The following PTBP2 variants were observed in gnomAD, a reference collection of about 807,000 sequenced individuals.
PTBP2 encodes the protein polypyrimidine tract-binding protein 2.
A neutral mutation model predicts 61.4 loss-of-function variants in PTBP2; 13 were observed. The observed-to-expected ratio is 0.21, with a 90% CI of 0.14 to 0.34. PTBP2 has a LOEUF of 0.34. Ranked by LOEUF, PTBP2 falls within the 10% of genes least tolerant of loss-of-function variation. PTBP2 has a pLI of 1.00. For missense variants in PTBP2, 405 were observed against 642.6 expected (o/e 0.63, Z 4.00); for synonymous variants, 215 against 218.5 (o/e 0.98, Z 0.14).
At chr1:96,759,457 A>AC (rs1464160419) in intron 3 of PTBP2, among the ~76,000 whole-genome samples, 1 of 152,212 alleles carries the variant, frequency 6.6e-6, no homozygotes, top group Non-Finnish European at 1.5e-5. Context: ...CAGTGAAGAA[A>AC]GAGAAGGCCT....
chr1:96,794,753 C>CAT (rs1660194278), intron 8 of PTBP2, among the ~76,000 whole-genome samples: 1 of 152,120 alleles, frequency 6.6e-6, no homozygotes, highest in Non-Finnish European at 1.5e-5. Context: ...GTTATCAGCA[C>CAT]ATAAATGAGT....
chr1:96,762,454 C>A (rs1234498929), intron 3 of PTBP2, among the ~76,000 whole-genome samples: 6 of 146,694 alleles, frequency 4.1e-5, no homozygotes, highest in Admixed American at 6.7e-5. Context: ...GCTGACCCCC[C>A]CACCTCCCTC....
chr1:96,752,264 A>G (rs923269803), intron 3 of PTBP2, among the ~76,000 whole-genome samples: 33 of 152,000 alleles, frequency 2.2e-4, no homozygotes, highest in Admixed American at 2.2e-3. Flanking sequence ...ACAACTCCAC[A>G]TTTTACATTA....
intron 5 of PTBP2, among the ~76,000 whole-genome samples, chr1:96,774,113 A>G (rs906637113): frequency 2.8e-5 from 4 of 145,056 alleles, no homozygotes; most frequent in African/African-American, 9.9e-5. Context: ...AGCAAGACAC[A>G]GTCTCTTAAA....
At chr1:96,722,959 T>C (rs1649832613) in intron 1 of PTBP2, among the ~76,000 whole-genome samples, 1 of 152,214 alleles carries the variant, frequency 6.6e-6, no homozygotes, top group African/African-American at 2.4e-5. Context: ...TAGTATCATT[T>C]AACAAGTACA....
downstream of PTBP2, chr1:96,815,921 G>A (rs1237335061): frequency 6.6e-6 from 1 of 152,192 alleles, no homozygotes; most frequent in African/African-American, 2.4e-5. Flanking sequence ...CAGGGTTAGT[G>A]AATAGTAATT....
At chr1:96,735,736 G>A (rs1157544376) in intron 2 of PTBP2, among the ~76,000 whole-genome samples, 1 of 152,210 alleles carries the variant, frequency 6.6e-6, no homozygotes, top group Non-Finnish European at 1.5e-5. Flanking sequence ...GATGAAAATA[G>A]GAGAAGCGTT....
intron 3 of PTBP2, 42 bp from the exon 4 acceptor site, chr1:96,769,661 T>G (rs751310546): frequency 2.2e-6 from 3 of 1,335,726 alleles, no homozygotes; most frequent in Admixed American, 5.6e-5. Flanking sequence ...CATACATTCT[T>G]TTATTGTTGA....
At position 96,729,824 on chromosome 1, in the gene PTBP2, C is replaced by T. The variant is rs927870417; in HGVS notation, c.39+6230C>T. 9.9e-5 allele frequency among the ~76,000 whole-genome samples: 15 copies of T among 151,236 alleles called. 1 individual carries two copies. The highest frequency in any genetic ancestry group is 5.3e-4 in the Admixed American group (8 of 15,190). ...CCATCTCGGCTCAATGCAACCTCCACGTCCCGGGTTCACGCGGTTCTCCTG... is the reference window on the plus strand; with the variant it reads ...CCATCTCGGCTCAATGCAACCTCCATGTCCCGGGTTCACGCGGTTCTCCTG... On this transcript the variant is annotated intron_variant, in intron 2 of 13. Coordinates refer to ENST00000674951, the MANE Select transcript of PTBP2 (RefSeq NM_021190.4).
intron 5 of PTBP2, among the ~76,000 whole-genome samples, chr1:96,772,538 T>G (rs1657494798): frequency 6.6e-6 from 1 of 152,116 alleles, no homozygotes; most frequent in South Asian, 2.1e-4. Context: ...TGTCTGAAAC[T>G]TTGTACTTTG....
rs767185968 is a variant in PTBP2 at position 96,785,225 on chromosome 1, C to T, written c.875C>T (p.Ala292Val). ...GQPALDPAIAAAFAKETSLLA... is the reference protein window; with the variant it reads ...GQPALDPAIAVAFAKETSLLA... Reference sequence around the variant, plus strand: ...CCTGCATTGGACCCAGCTATTGCTGCAGCATTTGCCAAGGAGACATCCCTC... The same window carrying T: ...CCTGCATTGGACCCAGCTATTGCTGTAGCATTTGCCAAGGAGACATCCCTC... The change falls in exon 8 of 14, where the codon GCA becomes GTA. Residue 292 changes from alanine to valine, a missense_variant. By Grantham distance (64) the Ala-to-Val change is moderately conservative (BLOSUM62 0). Coordinates refer to ENST00000674951, the MANE Select transcript of PTBP2 (RefSeq NM_021190.4). The T allele has an allele frequency of 1.3e-6, 2 of 1,596,684 alleles. No homozygotes were observed. The highest frequency in any genetic ancestry group is 1.7e-6 in the Non-Finnish European group (2 of 1,173,772).
At chr1:96,738,989 A>T (rs1652609830) in intron 2 of PTBP2, among the ~76,000 whole-genome samples, 1 of 152,210 alleles carries the variant, frequency 6.6e-6, no homozygotes, top group African/African-American at 2.4e-5. Context: ...GTTCATAAAC[A>T]TTACAAATGT....
chr1:96,735,097 TAGTAGGG>T (rs1651988944), intron 2 of PTBP2, among the ~76,000 whole-genome samples: 2 of 151,992 alleles, frequency 1.3e-5, no homozygotes, highest in East Asian at 3.9e-4. Context: ...TTTGTGTTTT[TAGTAGGG>T]ATGGGGTTTC....
chr1:96,817,702 C>A (rs1283485669), downstream of PTBP2: 1 of 152,028 alleles, frequency 6.6e-6, no homozygotes, highest in African/African-American at 2.4e-5. Context: ...TCTTTCTGAT[C>A]TTAGTTCAAA....
chr1:96,738,175 TCTA>T (rs1165885961), intron 2 of PTBP2, among the ~76,000 whole-genome samples: 2 of 152,220 alleles, frequency 1.3e-5, no homozygotes, highest in Admixed American at 6.5e-5. Context: ...GTAGCAAACA[TCTA>T]CTACACCCAT....
intron 2 of PTBP2, among the ~76,000 whole-genome samples, chr1:96,740,661 T>C (rs957865284): frequency 1.3e-5 from 2 of 152,136 alleles, no homozygotes; most frequent in African/African-American, 4.8e-5. Flanking sequence ...ATTTACTACA[T>C]GTTTATGTAT....
intron 7 of PTBP2, among the ~76,000 whole-genome samples, chr1:96,781,036 T>C (rs1375363929): frequency 6.6e-6 from 1 of 152,032 alleles, no homozygotes; most frequent in Non-Finnish European, 1.5e-5. Flanking sequence ...AAGATGCTGG[T>C]CTCTCAAGGT....
At chr1:96,735,808 A>G (rs1219962227) in intron 2 of PTBP2, among the ~76,000 whole-genome samples, 2 of 152,230 alleles carry the variant, frequency 1.3e-5, no homozygotes, top group African/African-American at 4.8e-5. Context: ...CCAGAAATTA[A>G]AGATTGCAGA....
intron 3 of PTBP2, among the ~76,000 whole-genome samples, chr1:96,767,404 A>C (rs539987199): frequency 3.4e-4 from 51 of 152,186 alleles, no homozygotes; most frequent in Admixed American, 1.6e-3. Context: ...TTCTCCCAGA[A>C]GGAAAAGGAC....
Sources: allele counts gnomAD v4.1 joint callset (sites outside exome capture counted in the v4.1 genomes callset), GRCh38; gene constraint gnomAD v4.1.1; transcripts MANE v1.5; gene names NCBI Gene and HGNC (gene_info 2026-07-23, HGNC 2026-07-21).